The following PNCK variants were observed in gnomAD, a reference collection of about 807,000 sequenced individuals.
PNCK encodes the protein pregnancy up-regulated nonubiquitous CaM kinase.
Under a neutral mutation model 28.3 loss-of-function variants are expected in PNCK, and 21 were observed. The observed-to-expected ratio is 0.74, with a 90% CI of 0.53 to 1.07. PNCK has a LOEUF of 1.07. PNCK is among the 50% of genes least tolerant of loss of function. The pLI is 0.00. For synonymous variants in PNCK, 136 were observed against 125.2 expected, an observed-to-expected ratio of 1.09 and a Z score of -0.58; for missense variants, 250 against 298.3, an observed-to-expected ratio of 0.84 and a Z score of 1.19.
At position 153,682,857 on chromosome X, in the gene PNCK, A is replaced by G. The variant is rs376941376; in HGVS notation, c.-3+4574T>C. Among the ~76,000 whole-genome samples, 250 of 112,433 alleles carry G rather than the reference A, an allele frequency of 2.2e-3. 1 individual carries two copies. Among genetic ancestry groups the G allele is most frequent in the African/African-American group, 7.8e-3 (242 of 30,950 alleles). On this transcript the variant is annotated intron_variant, in intron 1 of 3. Coordinates refer to the PNCK transcript ENST00000419804. Reference sequence around the variant, plus strand: ...CAGCGCCTATCCCAAAACCTATAAGAACTAATGATAATCCCATCACCCTTT... The same window carrying G: ...CAGCGCCTATCCCAAAACCTATAAGGACTAATGATAATCCCATCACCCTTT...
At chrX:153,673,587 T>G in intron 1 of PNCK, 193 bp downstream of exon 1, 2 of 281,066 alleles carry the variant, frequency 7.1e-6, no homozygotes, top group African/African-American at 2.9e-5. Context: ...AGCCCAGCCC[T>G]CGGCGCCGCG....
At chrX:153,676,864 C>CAAAA (rs57712456), upstream of PNCK, among the ~76,000 whole-genome samples, 1 of 55,052 alleles carries the variant, frequency 1.8e-5, no homozygotes. Context: ...GACTTCATCT[C>CAAAA]AAAAAAAAAA....
At position 153,672,185 on chromosome X, in the gene PNCK, G is replaced by A. The variant is rs781877187; in HGVS notation, c.216C>T (p.Asn72=). 8.3e-7 allele frequency: 1 copy of A among 1,204,245 alleles called. No individual in the cohort carries two copies. The highest frequency in any genetic ancestry group is 1.8e-5 in the African/African-American group (1 of 57,037). ...CGTGGACATCCTCCAGAGCGACGAT[G>A]TTGGGGTGACTGATCCTGCAATGGC... ...IAVLRRISHP[N]IVALEDVHES... is the part of the protein sequence containing the mutation. Residue 72 remains asparagine, a synonymous_variant, in exon 4 of 12, where the codon AAC becomes AAT. Coordinates refer to ENST00000340888, the MANE Select transcript of PNCK (RefSeq NM_001366977.1).
chrX:153,671,663 G>A lies in PNCK; in HGVS notation c.424C>T (p.Leu142Phe), dbSNP rs1255168600. 8.4e-7 allele frequency: 1 copy of A among 1,189,079 alleles called. No individual in the cohort carries two copies. The highest frequency in any genetic ancestry group is 3.0e-5 in the East Asian group (1 of 33,631). Residue 142 changes from leucine (L) to phenylalanine (F), a missense_variant, in exon 6 of 12, where the codon CTC becomes TTC. Transcript: ENST00000340888. ...TCCTCAAAGGGCGTGGCATACAGGA[G>A]GTTTTCGGGCTGTGACACACGGACA... Reference protein sequence around the residue: ...IVHRDLKPENLLYATPFEDSK... With the variant: ...IVHRDLKPENFLYATPFEDSK...
At chrX:153,672,456 A>C in intron 3 of PNCK, 110 bp downstream of exon 3, 4 of 1,051,116 alleles carry the variant, frequency 3.8e-6, no homozygotes, top group Non-Finnish European at 5.1e-6. Context: ...CAGAGAGAGC[A>C]CTGCCCCAGG....
chrX:153,685,374 G>A (rs1022355790), intron 1 of PNCK, among the ~76,000 whole-genome samples: 56 of 110,800 alleles, frequency 5.1e-4, no homozygotes, highest in Admixed American at 1.2e-3. Context: ...GTCACTGGCC[G>A]CCCGGGTCAG....
At chrX:153,679,281 G>A (rs1261069872), upstream of PNCK, among the ~76,000 whole-genome samples, 2 of 109,855 alleles carry the variant, frequency 1.8e-5, no homozygotes, top group Admixed American at 1.0e-4. Context: ...GCTGTACCTC[G>A]TCACATTCTC....
intron 1 of PNCK, among the ~76,000 whole-genome samples, chrX:153,682,921 G>A (rs1557042641): frequency 8.9e-6 from 1 of 111,892 alleles, no homozygotes; most frequent in African/African-American, 3.3e-5. Context: ...CTGCACCCAG[G>A]TAAAATAAAC....
upstream of PNCK, among the ~76,000 whole-genome samples, chrX:153,675,985 T>TG (rs1557041481): frequency 9.9e-6 from 1 of 100,767 alleles, no homozygotes; most frequent in African/African-American, 3.9e-5. Flanking sequence ...TTTTTTTCTT[T>TG]TCTTTTTTTT....
chrX:153,673,362 G>A, intron 1 of PNCK: 3 of 1,072,546 alleles, frequency 2.8e-6, no homozygotes, highest in Non-Finnish European at 3.7e-6. Flanking sequence ...CACACATCCG[G>A]CCGCTTTCCA....
In PNCK at chrX:153,673,764, C is replaced by G. The variant is rs1286433692; in HGVS notation, c.-3+16G>C. The G allele has an allele frequency of 6.7e-6, 5 of 744,555 alleles. No individual in the cohort carries two copies. Among genetic ancestry groups the G allele is most frequent in the South Asian group, 6.7e-5 (1 of 14,963 alleles). 61.4% of individuals were successfully genotyped at this position (744,555 alleles called of 1,213,427 possible). A position where few individuals can be genotyped will look rare whatever the true frequency, so the allele number is the denominator to read the frequency against. On this transcript the variant is annotated intron_variant, in intron 1 of 11. Coordinates refer to ENST00000340888, the MANE Select transcript of PNCK (RefSeq NM_001366977.1). ...CCCCGCCCCGCGCGTCCCCGCGCCC[C>G]GGAGCAGGTGCAGACCTGGAGCGGG...
upstream of PNCK, among the ~76,000 whole-genome samples, chrX:153,678,646 C>A (rs976792228): frequency 4.7e-4 from 52 of 110,843 alleles, no homozygotes; most frequent in African/African-American, 1.6e-3. Flanking sequence ...CTTAGTCTGA[C>A]AGATGCCTAT....
In PNCK at chrX:153,672,146, G is replaced by A. The variant is rs782028792; in HGVS notation, c.255C>T (p.His85=). ...ALEDVHESPS[H]LYLAMELVTG... is the part of the protein sequence containing the mutation. ...CTCACAGTTCCATGGCCAGGTAGAG[G>A]TGGGAAGGGCTCTCGTGGACATCCT... Residue 85 remains histidine, a synonymous_variant, in exon 4 of 12, where the codon CAC becomes CAT. Transcript: ENST00000340888. 8.3e-7 allele frequency: 1 copy of A among 1,206,881 alleles called. No individual in the cohort carries two copies.
chrX:153,677,619 T>C (rs1276640197), upstream of PNCK, among the ~76,000 whole-genome samples: 1 of 85,807 alleles, frequency 1.2e-5, no homozygotes, highest in African/African-American at 4.6e-5. Context: ...ATATATAGTG[T>C]ATATATATAG....
Position 153,680,699 on chromosome X carries a change from C to A in PNCK, c.-3+6732G>T, listed in dbSNP as rs782447007. Among the ~76,000 whole-genome samples the A allele has an allele frequency of 2.6e-4, 29 of 109,460 alleles. No individual in the cohort carries two copies. The Admixed American group carries it at 2.8e-3, about 11-fold the overall frequency. On this transcript the variant is annotated intron_variant, in intron 1 of 3. Coordinates refer to the PNCK transcript ENST00000419804. The stretch of plus-strand genomic sequence containing the variant: ...CCAAGATTGTGCCACTGCACTCCAG[C>A]CTGGGCAACAGAGTGAGACTCTGTC...
At chrX:153,673,116 C>T (rs782149348) in intron 1 of PNCK, 38 bp from the exon 2 acceptor site, 6 of 1,166,046 alleles carry the variant, frequency 5.1e-6, no homozygotes, top group South Asian at 3.8e-5. Flanking sequence ...GGTCTCTCCC[C>T]GCCCCGCCGG....
Position 153,684,660 on chromosome X carries a change from C to G in PNCK, c.-3+2771G>C, listed in dbSNP as rs782288120. Among the ~76,000 whole-genome samples the G allele has an allele frequency of 4.5e-5, 5 of 111,701 alleles. No homozygotes were observed. In the South Asian group the frequency reaches 1.9e-3, roughly 42 times the overall value. On this transcript the variant is annotated intron_variant, in intron 1 of 3. Transcript: ENST00000419804. ...AGAAGAGGAGGCGCCCCCATCCTGTCTCCAGCTGCCCATCCTCCCAGGATA... is the reference window on the plus strand; with the variant it reads ...AGAAGAGGAGGCGCCCCCATCCTGTGTCCAGCTGCCCATCCTCCCAGGATA...
intron 1 of PNCK, among the ~76,000 whole-genome samples, chrX:153,683,183 C>G (rs1249966165): frequency 8.9e-6 from 1 of 112,708 alleles, no homozygotes; most frequent in Admixed American, 9.4e-5. Context: ...CTCTGTCGCC[C>G]AGGCTGGAGT....
intron 1 of PNCK, among the ~76,000 whole-genome samples, chrX:153,684,886 C>T (rs1361520774): frequency 1.0e-5 from 1 of 99,157 alleles, no homozygotes; most frequent in Non-Finnish European, 2.1e-5. Flanking sequence ...CTCCAACCCC[C>T]CAGCCCCAGC....
Sources: gnomAD v4.1 joint callset for allele counts (sites outside exome capture counted in the v4.1 genomes callset) on GRCh38, gnomAD v4.1.1 for gene constraint, MANE v1.5 for transcripts, NCBI Gene and HGNC (gene_info 2026-07-23, HGNC 2026-07-21) for gene names.